The following AFF1 variants were observed in gnomAD, a reference collection of about 807,000 sequenced individuals.
AFF1 encodes the protein AF4/FMR2 family member 1.
Under a neutral mutation model 121.7 loss-of-function variants are expected in AFF1, and 48 were observed. The ratio of observed to expected loss-of-function variants is 0.39; its 90% CI spans 0.31 to 0.50. The LOEUF is 0.50. AFF1 is among the 20% of genes least tolerant of loss of function. The pLI, the probability that AFF1 is intolerant of heterozygous loss-of-function variation, is 0.76. For synonymous variants in AFF1, 613 were observed against 563.0 expected, an observed-to-expected ratio of 1.09 and a Z score of -1.26; for missense variants, 1,523 against 1,511.7, an observed-to-expected ratio of 1.01 and a Z score of -0.12.
At chr4:86,966,809 G>A (rs1722570995) in intron 2 of AFF1, among the ~76,000 whole-genome samples, 1 of 152,086 alleles carries the variant, frequency 6.6e-6, no homozygotes, top group African/African-American at 2.4e-5. Context: ...CTTATATGGG[G>A]AAGTTTCCCA....
intron 2 of AFF1, among the ~76,000 whole-genome samples, chr4:87,000,603 C>CTTTGTG (rs777829987): frequency 1.3e-5 from 1 of 76,758 alleles, no homozygotes; most frequent in South Asian, 5.4e-4. Flanking sequence ...AAAAAATAAA[C>CTTTGTG]TCTGTGTGTG....
chr4:87,024,743 C>T (rs1369791002), intron 2 of AFF1, among the ~76,000 whole-genome samples: 1 of 152,082 alleles, frequency 6.6e-6, no homozygotes, highest in East Asian at 1.9e-4. Context: ...TGCCCACCAC[C>T]ACGCCTGGCT....
intron 2 of AFF1, among the ~76,000 whole-genome samples, chr4:86,962,073 C>A (rs550112882): frequency 6.0e-5 from 9 of 151,138 alleles, no homozygotes; most frequent in Non-Finnish European, 1.0e-4. Flanking sequence ...TGGTAAAGGA[C>A]AAAGCCAGGG....
chr4:87,009,553 A>C (rs191460854), intron 2 of AFF1, among the ~76,000 whole-genome samples: 2 of 152,338 alleles, frequency 1.3e-5, no homozygotes, highest in Admixed American at 6.5e-5. Context: ...ACAAAGCCAC[A>C]AGACTGTTAT....
chr4:87,096,129 A>G (rs1401230552), intron 8 of AFF1, among the ~76,000 whole-genome samples: 2 of 152,154 alleles, frequency 1.3e-5, no homozygotes, highest in African/African-American at 4.8e-5. Context: ...AAATGAAGGG[A>G]AAAGGAACAA....
chr4:87,105,814 G>C lies in AFF1; in HGVS notation c.1345G>C (p.Glu449Gln). 1 of 1,614,086 alleles carries C rather than the reference G, an allele frequency of 6.2e-7. No homozygotes were observed. Among genetic ancestry groups the C allele is most frequent in the Non-Finnish European group, 8.5e-7 (1 of 1,180,020 alleles). The change falls in exon 10 of 21, where the codon GAG becomes CAG. Residue 449 changes from glutamate (E) to glutamine (Q), a missense_variant. Around this residue, in one of 5 missense-constraint regions of AFF1, gnomAD observed 905 missense variants for 842.5 expected, o/e 1.07. Coordinates refer to ENST00000395146, the MANE Select transcript of AFF1 (RefSeq NM_001166693.3). The stretch of plus-strand genomic sequence containing the variant: ...CCTTATTGTGAATGCCTAGACCCCA[G>C]AGAAGCCTCCCTCCTCATCTGCACC... ...SEDSDSEQTPEKPPSSSAPPS... is the reference protein window; with the variant it reads ...SEDSDSEQTPQKPPSSSAPPS...
chr4:87,084,213 A>G (rs753365200), intron 5 of AFF1, 49 bp downstream of exon 5: 5 of 1,567,932 alleles, frequency 3.2e-6, no homozygotes, highest in South Asian at 2.2e-5. Flanking sequence ...TTAAGTAGGT[A>G]GGCGTACATC....
intron 2 of AFF1, among the ~76,000 whole-genome samples, chr4:87,022,660 A>G (rs13103442): frequency 4.8e-4 from 66 of 138,710 alleles, no homozygotes; most frequent in Admixed American, 6.1e-4. Context: ...GTGTATATAT[A>G]TGTGTGTGTA....
At chr4:86,970,897 T>C (rs1045980838) in intron 2 of AFF1, among the ~76,000 whole-genome samples, 1 of 152,086 alleles carries the variant, frequency 6.6e-6, no homozygotes, top group African/African-American at 2.4e-5. Flanking sequence ...TGGAGCAGAA[T>C]GTTGAGGAGG....
intron 2 of AFF1, among the ~76,000 whole-genome samples, chr4:86,990,297 G>C (rs1232624004): frequency 6.9e-6 from 1 of 145,348 alleles, no homozygotes; most frequent in East Asian, 2.1e-4. Context: ...AGTCTGGGAA[G>C]TATAGTGAGA....
chr4:87,001,207 CTTTTTTTTTTTTTTTT>C (rs34072831), intron 2 of AFF1, among the ~76,000 whole-genome samples: 2 of 60,298 alleles, frequency 3.3e-5, no homozygotes, highest in Admixed American at 3.3e-4. Context: ...CCTTTTTCTA[CTTTTTTTTTTTTTTTT>C]TTTTTTTTTT....
chr4:86,995,779 T>C (rs1203705768), intron 2 of AFF1, among the ~76,000 whole-genome samples: 7 of 147,490 alleles, frequency 4.7e-5, no homozygotes, highest in African/African-American at 1.8e-4. Context: ...GCCCATCGTC[T>C]GGGATGTGAG....
At position 87,135,899 on chromosome 4, in the gene AFF1, A is replaced by T. The variant is rs956884154; in HGVS notation, c.*198A>T. 1.4e-5 allele frequency: 12 copies of T among 839,032 alleles called. No individual in the cohort carries two copies. In the African/African-American group the frequency reaches 1.9e-4, roughly 13 times the overall value. 52.0% of individuals were successfully genotyped at this position (839,032 alleles called of 1,614,324 possible). Reference sequence around the variant, plus strand: ...ACACTGTGGTTATGCAGAAGCAGAGATGAGGAGGCTGGCCCCAGAGATGAT... The same window carrying T: ...ACACTGTGGTTATGCAGAAGCAGAGTTGAGGAGGCTGGCCCCAGAGATGAT... On this transcript the variant is annotated 3_prime_UTR_variant, in exon 21 of 21. Transcript: ENST00000395146.
chr4:87,085,950 G>C lies in AFF1; in HGVS notation c.1104+1786G>C, dbSNP rs973598094. Among the ~76,000 whole-genome samples, 5 of 152,106 alleles carry C rather than the reference G, an allele frequency of 3.3e-5. No homozygotes were observed. The East Asian group carries it at 9.7e-4, about 29-fold the overall frequency. On this transcript the variant is annotated intron_variant, in intron 5 of 20. Coordinates refer to ENST00000395146, the MANE Select transcript of AFF1 (RefSeq NM_001166693.3). Reference sequence around the variant, plus strand: ...GACGGTGTTTCACCATCTTGGCCAGGCTGGTCTCAAATGCCTGACCTCAAG... The same window carrying C: ...GACGGTGTTTCACCATCTTGGCCAGCCTGGTCTCAAATGCCTGACCTCAAG...
At chr4:87,056,463 G>T (rs1038716169) in intron 4 of AFF1, among the ~76,000 whole-genome samples, 2 of 152,064 alleles carry the variant, frequency 1.3e-5, no homozygotes, top group African/African-American at 4.8e-5. Flanking sequence ...AGTATTTGCT[G>T]TTGCATTTTA....
intron 4 of AFF1, among the ~76,000 whole-genome samples, chr4:87,076,467 C>G (rs901998498): frequency 6.6e-6 from 1 of 152,124 alleles, no homozygotes; most frequent in African/African-American, 2.4e-5. Context: ...CAAAACCTTT[C>G]CATTATTTAA....
intron 2 of AFF1, among the ~76,000 whole-genome samples, chr4:87,010,978 C>T (rs566620820): frequency 2.0e-5 from 3 of 147,788 alleles, no homozygotes; most frequent in Admixed American, 6.9e-5. Context: ...ACGCGGGAGG[C>T]GGAGGCAGGA....
intron 12 of AFF1, among the ~76,000 whole-genome samples, chr4:87,119,610 C>T (rs1465063359): frequency 6.6e-6 from 1 of 152,166 alleles, no homozygotes; most frequent in Non-Finnish European, 1.5e-5. Context: ...CATAGAGCTA[C>T]ATGTGTGAGC....
At chr4:87,110,530 A>G (rs769077656) in intron 11 of AFF1, among the ~76,000 whole-genome samples, 1 of 150,820 alleles carries the variant, frequency 6.6e-6, no homozygotes, top group African/African-American at 2.4e-5. Flanking sequence ...TACCCTTCCA[A>G]TCCTCTGGTA....
Sources: allele counts gnomAD v4.1 joint callset (sites outside exome capture counted in the v4.1 genomes callset), GRCh38; gene constraint gnomAD v4.1.1; regional missense constraint gnomAD v4.1.1; transcripts MANE v1.5; gene names NCBI Gene and HGNC (gene_info 2026-07-23, HGNC 2026-07-21).